SSBP3: variants seen among roughly 807,000 people sequenced by gnomAD.
The protein encoded by SSBP3 is single-stranded DNA-binding protein 3.
A neutral mutation model predicts 69.6 loss-of-function variants in SSBP3; 5 were observed. That is an observed-to-expected ratio of 0.07 (90% CI 0.04 to 0.15). The LOEUF (loss-of-function observed/expected upper bound fraction) is 0.15. Among genes scored for constraint, SSBP3 ranks in the 10% least tolerant of loss-of-function variants. The pLI is 1.00. For missense variants in SSBP3, 312 were observed against 534.0 expected (o/e 0.58, Z 4.10); for synonymous variants, 196 against 193.4 (o/e 1.01, Z -0.11).
intron 13 of SSBP3, among the ~76,000 whole-genome samples, chr1:54,240,137 A>T (rs1312817162): frequency 7.1e-6 from 1 of 140,838 alleles, no homozygotes; most frequent in African/African-American, 2.6e-5. Context: ...ATGCCCACGT[A>T]TGTGCACGCA....
chr1:54,320,063 G>C (rs1363259054), intron 4 of SSBP3, among the ~76,000 whole-genome samples: 1 of 152,196 alleles, frequency 6.6e-6, no homozygotes, highest in Non-Finnish European at 1.5e-5. Context: ...CTTCATGCCA[G>C]GCTGGAGAGG....
intron 4 of SSBP3, among the ~76,000 whole-genome samples, chr1:54,343,710 A>G (rs1323916729): frequency 1.3e-5 from 2 of 152,244 alleles, no homozygotes; most frequent in Non-Finnish European, 2.9e-5. Context: ...GTTACAAACC[A>G]TGGCTTCATA....
chr1:54,400,230 A>G (rs1367046095), intron 4 of SSBP3, among the ~76,000 whole-genome samples: 2 of 152,316 alleles, frequency 1.3e-5, no homozygotes, highest in East Asian at 3.9e-4. Flanking sequence ...ACTTCTCTGA[A>G]AGGTACAGGC....
chr1:54,281,290 G>GGGAA, intron 5 of SSBP3, 148 bp downstream of exon 5: 1 of 644,750 alleles, frequency 1.6e-6, no homozygotes, highest in Non-Finnish European at 2.7e-6. Context: ...TGAAAGGGAT[G>GGGAA]GGAAGGGAAG....
intron 4 of SSBP3, among the ~76,000 whole-genome samples, chr1:54,307,530 C>T (rs1435290917): frequency 1.3e-5 from 2 of 152,126 alleles, no homozygotes; most frequent in Admixed American, 6.5e-5. Context: ...TCTTCATATC[C>T]GTCAGGGGTG....
intron 7 of SSBP3, among the ~76,000 whole-genome samples, chr1:54,254,801 T>C (rs1644890139): frequency 6.6e-6 from 1 of 152,184 alleles, no homozygotes; most frequent in South Asian, 2.1e-4. Context: ...CACAGGAAAC[T>C]GGAAAACCAG....
intron 4 of SSBP3, among the ~76,000 whole-genome samples, chr1:54,377,616 A>G (rs1021754610): frequency 6.6e-6 from 1 of 152,246 alleles, no homozygotes; most frequent in African/African-American, 2.4e-5. Context: ...ACAGACACCT[A>G]TAAGACACAT....
chr1:54,306,093 G>C (rs1203376415), intron 4 of SSBP3, among the ~76,000 whole-genome samples: 1 of 151,802 alleles, frequency 6.6e-6, no homozygotes, highest in African/African-American at 2.4e-5. Context: ...CACACTTCTA[G>C]CCAGACTGGC....
intron 4 of SSBP3, among the ~76,000 whole-genome samples, chr1:54,400,688 T>C (rs537741025): frequency 5.3e-5 from 8 of 152,232 alleles, no homozygotes; most frequent in East Asian, 3.8e-4. Flanking sequence ...CTGCATCACA[T>C]TGAATATTCT....
chr1:54,227,191 G>GGC (rs3058961), intron 17 of SSBP3, 31 bp from the exon 18 acceptor site: 2 of 1,084,186 alleles, frequency 1.8e-6, no homozygotes, highest in Admixed American at 1.8e-5. Flanking sequence ...AGGGGGGGGG[G>GGC]TGAGGATTGT....
chr1:54,277,238 T>C (rs1180411393), intron 5 of SSBP3, among the ~76,000 whole-genome samples: 1 of 152,036 alleles, frequency 6.6e-6, no homozygotes, highest in Non-Finnish European at 1.5e-5. Context: ...TCACTATCTG[T>C]TGAGCCTGGA....
At chr1:54,324,677 AG>A (rs1646270198) in intron 4 of SSBP3, among the ~76,000 whole-genome samples, 2 of 152,176 alleles carry the variant, frequency 1.3e-5, no homozygotes, top group East Asian at 3.8e-4. Context: ...GGAAAACTCC[AG>A]GTTTTTAGGA....
chr1:54,257,872 G>A (rs555516371), intron 6 of SSBP3, among the ~76,000 whole-genome samples, 197 bp downstream of exon 6: 19 of 152,290 alleles, frequency 1.2e-4, no homozygotes, highest in Admixed American at 6.5e-5. Context: ...TTTTGGTTTC[G>A]TATCCAAGCT....
intron 4 of SSBP3, among the ~76,000 whole-genome samples, chr1:54,348,334 C>T (rs1342908365): frequency 1.3e-5 from 2 of 150,202 alleles, no homozygotes; most frequent in Non-Finnish European, 1.5e-5. Context: ...CAAAAAGGAG[C>T]CTGCGGGTCA....
chr1:54,393,804 G>A (rs901071201), intron 4 of SSBP3, among the ~76,000 whole-genome samples: 4 of 151,820 alleles, frequency 2.6e-5, no homozygotes, highest in Non-Finnish European at 4.4e-5. Flanking sequence ...CTATTGCCTA[G>A]GCTGGAGTGC....
chr1:54,355,968 A>G (rs1259146366), intron 4 of SSBP3, among the ~76,000 whole-genome samples: 1 of 152,230 alleles, frequency 6.6e-6, no homozygotes, highest in Non-Finnish European at 1.5e-5. Context: ...GGAATGTGCC[A>G]GTAATTCTAG....
chr1:54,236,402 T>G (rs1484325195), intron 14 of SSBP3: 1 of 152,224 alleles, frequency 6.6e-6, no homozygotes, highest in African/African-American at 2.4e-5. Context: ...ATTACAGGTG[T>G]GAGTCACCGC....
intron 14 of SSBP3, 87 bp from the exon 15 acceptor site, chr1:54,228,913 TC>T: frequency 7.1e-7 from 1 of 1,399,316 alleles, no homozygotes; most frequent in East Asian, 2.5e-5. Context: ...CACGCTTGAG[TC>T]CTGGCCCTGG....
chr1:54,307,470 G>A (rs1482754361), intron 4 of SSBP3, among the ~76,000 whole-genome samples: 2 of 152,126 alleles, frequency 1.3e-5, no homozygotes, highest in East Asian at 3.8e-4. Flanking sequence ...CACTTCCTCT[G>A]GCTCTACTAG....
Sources: gnomAD v4.1 joint callset for allele counts (sites outside exome capture counted in the v4.1 genomes callset) on GRCh38, gnomAD v4.1.1 for gene constraint, MANE v1.5 for transcripts, NCBI Gene and HGNC (gene_info 2026-07-23, HGNC 2026-07-21) for gene names.